APBB2: variants seen among roughly 807,000 people sequenced by gnomAD.
APBB2 encodes Fe65-like 1.
APBB2 carries 38 observed loss-of-function variants against 82.5 expected under a neutral mutation model. That is an observed-to-expected ratio of 0.46 (90% confidence interval 0.36 to 0.60). The LOEUF (loss-of-function observed/expected upper bound fraction) is 0.60. APBB2 is among the 20% of genes least tolerant of loss of function. The pLI is 0.00. For missense variants in APBB2, 772 were observed against 972.3 expected, an observed-to-expected ratio of 0.79 and a Z score of 2.74; for synonymous variants, 341 against 368.2, an observed-to-expected ratio of 0.93 and a Z score of 0.85.
intron 10 of APBB2, among the ~76,000 whole-genome samples, chr4:40,917,146 A>G (rs1209112576): frequency 1.3e-5 from 2 of 152,132 alleles, no homozygotes; most frequent in African/African-American, 4.8e-5. Context: ...GGGTCTAGTG[A>G]TTTGAGGCCC....
chr4:40,854,647 T>G (rs899958520), intron 12 of APBB2, among the ~76,000 whole-genome samples: 1 of 151,658 alleles, frequency 6.6e-6, no homozygotes, highest in Non-Finnish European at 1.5e-5. Flanking sequence ...AAATTAGCCA[T>G]GTGTGGTGGC....
rs771684872 is a variant in APBB2 at position 40,825,903 on chromosome 4, A to C, written c.1800T>G (p.Pro600=). 1 of 1,614,086 alleles carries C rather than the reference A, an allele frequency of 6.2e-7. No individual in the cohort carries two copies. Residue 600 remains proline (P), a synonymous_variant, in exon 15 of 18, where the codon CCT becomes CCG. Transcript: ENST00000508593. ...KFHVQYLGML[P]VDKPVGMDIL... ...TTCACATACCGACTGGTTTGTCTAC[A>C]GGTAACATGCCCAAGTACTGCACGT...
At chr4:40,991,484 C>T (rs1802079438) in intron 6 of APBB2, among the ~76,000 whole-genome samples, 1 of 151,818 alleles carries the variant, frequency 6.6e-6, no homozygotes, top group African/African-American at 2.4e-5. Flanking sequence ...TGTGCTAGGC[C>T]AGAGTAAGTG....
intron 6 of APBB2, among the ~76,000 whole-genome samples, chr4:40,976,340 T>TG: frequency 6.6e-6 from 1 of 152,224 alleles, no homozygotes. Flanking sequence ...TTTAATTTTA[T>TG]GTGCAATGTA....
At chr4:40,935,191 A>C (rs1259551860) in intron 7 of APBB2, 52 bp from the exon 8 acceptor site, 1 of 1,160,400 alleles carries the variant, frequency 8.6e-7, no homozygotes, top group Non-Finnish European at 1.2e-6. Flanking sequence ...TTAAAGAAAA[A>C]GAAAAGAAAA....
chr4:41,191,307 G>A (rs1774368101), intron 1 of APBB2, among the ~76,000 whole-genome samples: 1 of 152,120 alleles, frequency 6.6e-6, no homozygotes, highest in South Asian at 2.1e-4. Flanking sequence ...ACGTGGCTAG[G>A]TTATGAACAA....
chr4:40,960,155 G>T (rs1051336847), intron 6 of APBB2, among the ~76,000 whole-genome samples: 2 of 152,096 alleles, frequency 1.3e-5, no homozygotes, highest in African/African-American at 4.8e-5. Flanking sequence ...TATGGATGGG[G>T]AGGAGGAGTA....
At chr4:41,213,151 TTG>T (rs1394106833) in intron 1 of APBB2, among the ~76,000 whole-genome samples, 1 of 152,020 alleles carries the variant, frequency 6.6e-6, no homozygotes, top group African/African-American at 2.4e-5. Flanking sequence ...GCCATTGTGT[TTG>T]TTTTTTTTAA....
intron 5 of APBB2, among the ~76,000 whole-genome samples, chr4:41,027,405 A>ATATATATATATATATATAT (rs1714881237): frequency 7.6e-6 from 1 of 131,396 alleles, no homozygotes; most frequent in Admixed American, 7.8e-5. Context: ...ATATATATAT[A>ATATATATATATATATATAT]ACATTTTCAA....
intron 2 of APBB2, among the ~76,000 whole-genome samples, chr4:41,120,030 T>A (rs1303654520): frequency 1.3e-5 from 2 of 152,184 alleles, no homozygotes; most frequent in Non-Finnish European, 1.5e-5. Context: ...AAAGATGTCA[T>A]CACCATTATA....
chr4:40,829,973 T>A (rs1041759567), intron 13 of APBB2, among the ~76,000 whole-genome samples: 1 of 152,212 alleles, frequency 6.6e-6, no homozygotes, highest in African/African-American at 2.4e-5. Flanking sequence ...CCTTTTTCTC[T>A]ACCCACATTC....
chr4:41,145,101 CAG>C (rs1213576958), intron 1 of APBB2, among the ~76,000 whole-genome samples: 1 of 152,162 alleles, frequency 6.6e-6, no homozygotes, highest in African/African-American at 2.4e-5. Flanking sequence ...GTCTGGGAGA[CAG>C]AGTGAGACCT....
chr4:40,949,571 C>T (rs1386430393), intron 6 of APBB2, among the ~76,000 whole-genome samples: 1 of 151,956 alleles, frequency 6.6e-6, no homozygotes, highest in Non-Finnish European at 1.5e-5. Flanking sequence ...ATGGTTATCA[C>T]GGTATCACAG....
chr4:40,889,277 G>A (rs1578214675), intron 12 of APBB2, among the ~76,000 whole-genome samples: 1 of 152,208 alleles, frequency 6.6e-6, no homozygotes, highest in South Asian at 2.1e-4. Context: ...TGAATACTTG[G>A]CCATAATCCT....
intron 1 of APBB2, among the ~76,000 whole-genome samples, chr4:41,188,133 T>C (rs1169500000): frequency 1.3e-5 from 2 of 152,202 alleles, no homozygotes; most frequent in Non-Finnish European, 2.9e-5. Flanking sequence ...GGGGAACATG[T>C]GGAGGTTGGC....
intron 4 of APBB2, among the ~76,000 whole-genome samples, chr4:41,042,040 G>A (rs1436042625): frequency 2.0e-5 from 3 of 151,980 alleles, no homozygotes; most frequent in Non-Finnish European, 2.9e-5. Context: ...ACCCAGGCTG[G>A]AGTGCAGTGG....
intron 1 of APBB2, chr4:41,193,501 A>AC (rs1208263813): frequency 7.5e-6 from 7 of 930,494 alleles, no homozygotes; most frequent in Non-Finnish European, 9.0e-6. Flanking sequence ...CCTCAGTCCT[A>AC]CCCCTAGACC....
intron 10 of APBB2, among the ~76,000 whole-genome samples, chr4:40,906,464 C>CAAAAAAAAAAAA (rs5857755): frequency 7.4e-5 from 5 of 67,988 alleles, no homozygotes; most frequent in African/African-American, 2.6e-4. Flanking sequence ...AAACCTGTCT[C>CAAAAAAAAAAAA]AAAAAAAAAA....
intron 6 of APBB2, among the ~76,000 whole-genome samples, chr4:40,985,588 T>G (rs530310359): frequency 2.6e-5 from 4 of 152,240 alleles, no homozygotes; most frequent in Admixed American, 2.6e-4. Flanking sequence ...TTATATTGAA[T>G]TTCATGTTCA....
Sources: allele counts gnomAD v4.1 joint callset (sites outside exome capture counted in the v4.1 genomes callset), GRCh38; gene constraint gnomAD v4.1.1; transcripts MANE v1.5; gene names NCBI Gene and HGNC (gene_info 2026-07-23, HGNC 2026-07-21).